ADAM19: variants seen among roughly 807,000 people sequenced by gnomAD.
ADAM19 encodes ADAM metallopeptidase domain 19, also known as disintegrin and metalloproteinase domain-containing protein 19.
In ADAM19, 65 loss-of-function variants were observed where a neutral mutation model predicts 114.7. That is an observed-to-expected ratio of 0.57 (90% CI 0.46 to 0.70). ADAM19 has a LOEUF of 0.70. ADAM19 is among the 30% of genes least tolerant of loss of function. The pLI is 0.00. For missense variants in ADAM19, 1,063 were observed against 1,204.7 expected (o/e 0.88, Z 1.74); for synonymous variants, 466 against 460.5 (o/e 1.01, Z -0.15).
At chr5:157,552,704 AAATCAGTATACTG>A (rs1757237293) in intron 3 of ADAM19, among the ~76,000 whole-genome samples, 1 of 150,610 alleles carries the variant, frequency 6.6e-6, no homozygotes, top group South Asian at 2.1e-4. Context: ...AAAAAAAAGG[AAATCAGTATACTG>A]AAGACATACC....
At chr5:157,525,888 C>T (rs970120272) in intron 5 of ADAM19, among the ~76,000 whole-genome samples, 8 of 152,128 alleles carry the variant, frequency 5.3e-5, no homozygotes, top group African/African-American at 1.9e-4. Context: ...GGTGTAATTA[C>T]AGTGAGAGTG....
intron 7 of ADAM19, among the ~76,000 whole-genome samples, chr5:157,515,198 A>G (rs561360796): frequency 2.0e-5 from 3 of 152,294 alleles, no homozygotes; most frequent in East Asian, 3.9e-4. Context: ...AGACCTTTCC[A>G]AGGTGTTAAT....
intron 3 of ADAM19, among the ~76,000 whole-genome samples, chr5:157,555,729 A>G (rs947821422): frequency 2.0e-5 from 3 of 152,218 alleles, no homozygotes; most frequent in African/African-American, 4.8e-5. Flanking sequence ...GTGGCTTCAA[A>G]CAACAGAAAG....
chr5:157,525,280 A>G (rs1348608665), intron 5 of ADAM19, among the ~76,000 whole-genome samples: 1 of 152,326 alleles, frequency 6.6e-6, no homozygotes, highest in South Asian at 2.1e-4. Context: ...TCAAAGGTGG[A>G]AAGGACTTGC....
chr5:157,574,691 G>A, intron 1 of ADAM19, among the ~76,000 whole-genome samples: 1 of 152,142 alleles, frequency 6.6e-6, no homozygotes. Context: ...CCCGGGCACC[G>A]CCCCCCGGGA....
At chr5:157,534,806 C>G (rs1756718186) in intron 4 of ADAM19, among the ~76,000 whole-genome samples, 1 of 152,184 alleles carries the variant, frequency 6.6e-6, no homozygotes, top group South Asian at 2.1e-4. Context: ...GGTTTTAAGT[C>G]ATTCACAAGG....
Position 157,564,386 on chromosome 5 carries a change from G to A in ADAM19, c.238C>T (p.Leu80=), listed in dbSNP as rs755662066. ...MAEGRELILD[L]EKNEQLFAPS... is the part of the protein sequence containing the mutation. ...GAGTCCACTTACTCATTCTTCTCCAGGTCCAGGATCAGTTCTCGCCCCTCA... is the reference window on the plus strand; with the variant it reads ...GAGTCCACTTACTCATTCTTCTCCAAGTCCAGGATCAGTTCTCGCCCCTCA... Residue 80 remains leucine (L), a synonymous_variant, in exon 3 of 23, where the codon CTG becomes TTG. Coordinates refer to ENST00000257527, the MANE Select transcript of ADAM19 (RefSeq NM_033274.5). 2.5e-6 allele frequency: 4 copies of A among 1,614,152 alleles called. No homozygotes were observed. In the South Asian group the frequency reaches 4.4e-5, roughly 18 times the overall value.
intron 5 of ADAM19, among the ~76,000 whole-genome samples, chr5:157,526,003 T>G (rs2113749545): frequency 6.6e-6 from 1 of 152,204 alleles, no homozygotes; most frequent in Non-Finnish European, 1.5e-5. Context: ...TTCTATATAA[T>G]GAAACGTGCC....
chr5:157,530,773 G>A (rs201772975), intron 5 of ADAM19, 34 bp downstream of exon 5: 41 of 1,578,032 alleles, frequency 2.6e-5, no homozygotes, highest in Admixed American at 5.0e-5. Flanking sequence ...TGGGGAGAGT[G>A]CCCGGTGCCA....
intron 1 of ADAM19, 33 bp from the exon 2 acceptor site, chr5:157,571,013 C>G: frequency 6.3e-7 from 1 of 1,598,404 alleles, no homozygotes; most frequent in Non-Finnish European, 8.6e-7. Flanking sequence ...CATTGGAATC[C>G]CAGACCTCTA....
chr5:157,498,068 C>T (rs1359002996), intron 13 of ADAM19, among the ~76,000 whole-genome samples: 2 of 152,174 alleles, frequency 1.3e-5, no homozygotes, highest in Non-Finnish European at 2.9e-5. Flanking sequence ...GGACGCACAG[C>T]CAAACCAGAT....
At position 157,519,807 on chromosome 5, in the gene ADAM19, T is replaced by C. The variant is rs780897938; in HGVS notation, c.600+32A>G. 5.1e-6 allele frequency: 8 copies of C among 1,574,862 alleles called. No individual in the cohort carries two copies. In the East Asian group the frequency reaches 1.8e-4, roughly 36 times the overall value. ...CAGAGGGGACAAGCCTGTCCCCAGG[T>C]TGATTTCTGCACTGAGAGCCTCAAA... On this transcript the variant is annotated intron_variant, in intron 6 of 22. Coordinates refer to ENST00000257527, the MANE Select transcript of ADAM19 (RefSeq NM_033274.5).
At chr5:157,506,814 T>C (rs556545102) in intron 10 of ADAM19, among the ~76,000 whole-genome samples, 1 of 152,306 alleles carries the variant, frequency 6.6e-6, no homozygotes, top group South Asian at 2.1e-4. Context: ...GATGTATGCA[T>C]GTAATCTCTT....
intron 3 of ADAM19, among the ~76,000 whole-genome samples, chr5:157,553,818 T>C (rs1462826952): frequency 6.6e-6 from 1 of 152,178 alleles, no homozygotes; most frequent in East Asian, 1.9e-4. Flanking sequence ...AACAGGTCTA[T>C]AAATGTGCTC....
At chr5:157,499,708 A>G in intron 12 of ADAM19, 46 bp from the exon 13 acceptor site, 1 of 1,292,442 alleles carries the variant, frequency 7.7e-7, no homozygotes, top group East Asian at 2.7e-5. Flanking sequence ...GGCCTTCACC[A>G]CCCCCAACAT....
chr5:157,552,536 G>C (rs189723307), intron 3 of ADAM19, among the ~76,000 whole-genome samples: 1 of 151,826 alleles, frequency 6.6e-6, no homozygotes, highest in Non-Finnish European at 1.5e-5. Context: ...AAAGTTAGCC[G>C]GGCATGGTGG....
At chr5:157,495,809 T>A (rs980453091) in intron 14 of ADAM19, among the ~76,000 whole-genome samples, 5 of 152,242 alleles carry the variant, frequency 3.3e-5, no homozygotes, top group African/African-American at 9.6e-5. Flanking sequence ...AATTTTTGTA[T>A]TTTTAGCAGT....
At chr5:157,518,785 G>C (rs778340417) in intron 7 of ADAM19, 38 bp downstream of exon 7, 7 of 1,502,180 alleles carry the variant, frequency 4.7e-6, no homozygotes, top group African/African-American at 2.8e-5. Flanking sequence ...GCTATCAAGA[G>C]AGCAGTTTTT....
chr5:157,493,116 C>T lies in ADAM19; in HGVS notation c.1765G>A (p.Ala589Thr), dbSNP rs747691760. The change falls in exon 16 of 23, where the codon GCG becomes ACG. Residue 589 changes from alanine (A) to threonine (T), a missense_variant. Coordinates refer to ENST00000257527, the MANE Select transcript of ADAM19 (RefSeq NM_033274.5). ...ATGATAGTGGTGTCAATGGGCACCG[C>T]GTTGGACTCCAGGGGCCGGGCCTCA... ...SSEARPLESNAVPIDTTIIMN... is the reference protein window; with the variant it reads ...SSEARPLESNTVPIDTTIIMN... The T allele has an allele frequency of 6.8e-6, 11 of 1,614,098 alleles. No individual in the cohort carries two copies. Among genetic ancestry groups the T allele is most frequent in the South Asian group, 2.2e-5 (2 of 91,094 alleles).
Sources: gnomAD v4.1 joint callset for allele counts (sites outside exome capture counted in the v4.1 genomes callset) on GRCh38, gnomAD v4.1.1 for gene constraint, MANE v1.5 for transcripts, NCBI Gene and HGNC (gene_info 2026-07-23, HGNC 2026-07-21) for gene names.